Variants in TAFA1 observed in about 807,000 individuals in gnomAD.
TAFA1 encodes TAFA chemokine like family member 1, also known as chemokine-like protein TAFA-1.
In TAFA1, 4 loss-of-function variants were observed where a neutral mutation model predicts 18.5. That is an observed-to-expected ratio of 0.22 (90% confidence interval 0.11 to 0.49). The LOEUF is 0.49. Among genes scored for constraint, TAFA1 ranks in the 20% least tolerant of loss-of-function variants. The pLI is 0.98. For missense variants in TAFA1, 147 were observed against 169.0 expected (o/e 0.87, Z 0.72); for synonymous variants, 56 against 55.2 (o/e 1.01, Z -0.06).
chr3:68,118,387 T>A (rs1314102954), intron 2 of TAFA1, among the ~76,000 whole-genome samples: 1 of 152,152 alleles, frequency 6.6e-6, no homozygotes, highest in African/African-American at 2.4e-5. Flanking sequence ...GGAACAGCTA[T>A]AAATACAGAT....
At chr3:68,227,342 C>A (rs2066814736) in intron 2 of TAFA1, among the ~76,000 whole-genome samples, 1 of 152,034 alleles carries the variant, frequency 6.6e-6, no homozygotes, top group Non-Finnish European at 1.5e-5. Flanking sequence ...TCCTTTCCTG[C>A]TAAAAAGCAA....
At chr3:68,341,041 A>G (rs1214587280) in intron 2 of TAFA1, among the ~76,000 whole-genome samples, 1 of 152,200 alleles carries the variant, frequency 6.6e-6, no homozygotes, top group Non-Finnish European at 1.5e-5. Context: ...GTTTTCCAGA[A>G]TAAGAGAATA....
chr3:68,142,219 A>G (rs905742188), intron 2 of TAFA1, among the ~76,000 whole-genome samples: 3 of 152,228 alleles, frequency 2.0e-5, no homozygotes, highest in Admixed American at 1.3e-4. Flanking sequence ...AAGCTTCTCT[A>G]AATATCCAAA....
chr3:68,167,847 C>T (rs1472814613), intron 2 of TAFA1, among the ~76,000 whole-genome samples: 2 of 152,038 alleles, frequency 1.3e-5, no homozygotes, highest in Admixed American at 1.3e-4. Context: ...CACTGTACTC[C>T]AGCCTGTGCA....
intron 2 of TAFA1, among the ~76,000 whole-genome samples, chr3:68,171,538 A>G (rs564476753): frequency 1.3e-5 from 2 of 149,178 alleles, no homozygotes; most frequent in East Asian, 1.9e-4. Context: ...ATATATTTTA[A>G]AAGTCCACTA....
At chr3:68,426,133 A>T (rs183230360) in intron 3 of TAFA1, among the ~76,000 whole-genome samples, 1 of 152,116 alleles carries the variant, frequency 6.6e-6, no homozygotes, top group Admixed American at 6.6e-5. Flanking sequence ...AAAAGTATGC[A>T]TATATTCCAT....
At chr3:67,997,929 A>G in the TAFA1 span, among the ~76,000 whole-genome samples, 1 of 152,148 alleles carries the variant, frequency 6.6e-6, no homozygotes, top group South Asian at 2.1e-4. Context: ...AGATTGGTTA[A>G]GTGGATTAAG....
intron 3 of TAFA1, among the ~76,000 whole-genome samples, chr3:68,420,056 ATCTC>A (rs2070924805): frequency 6.6e-6 from 1 of 152,090 alleles, no homozygotes; most frequent in African/African-American, 2.4e-5. Flanking sequence ...ACTGATTCTA[ATCTC>A]TCTCAGCATG....
At chr3:68,333,270 G>A (rs1441530742) in intron 2 of TAFA1, among the ~76,000 whole-genome samples, 1 of 152,180 alleles carries the variant, frequency 6.6e-6, no homozygotes, top group Non-Finnish European at 1.5e-5. Context: ...CAGTAAACTT[G>A]ATAAAGAAAA....
the TAFA1 span, among the ~76,000 whole-genome samples, chr3:67,995,478 C>T: frequency 0.96 from 146,199 of 152,204 alleles, 70,240 homozygotes; most frequent in South Asian, 0.98. Context: ...GCATGCGAGG[C>T]GTGTTCTCAT....
At chr3:68,348,497 T>C (rs2069205438) in intron 2 of TAFA1, among the ~76,000 whole-genome samples, 1 of 152,198 alleles carries the variant, frequency 6.6e-6, no homozygotes, top group African/African-American at 2.4e-5. Context: ...ATTTCGGTGA[T>C]AGAAAACCAT....
chr3:68,399,075 A>G (rs1444046411), intron 2 of TAFA1, among the ~76,000 whole-genome samples: 1 of 152,170 alleles, frequency 6.6e-6, no homozygotes, highest in Non-Finnish European at 1.5e-5. Context: ...ACATAACTTT[A>G]GAGTTGAACT....
intron 2 of TAFA1, among the ~76,000 whole-genome samples, chr3:68,216,822 C>A (rs545032959): frequency 3.4e-4 from 51 of 152,162 alleles, no homozygotes; most frequent in African/African-American, 1.2e-3. Flanking sequence ...CAAGAGCCAG[C>A]ACTGGAGCAA....
intron 2 of TAFA1, among the ~76,000 whole-genome samples, chr3:68,223,170 T>C (rs1369226000): frequency 6.6e-6 from 1 of 152,176 alleles, no homozygotes; most frequent in Non-Finnish European, 1.5e-5. Flanking sequence ...ATCAGTGTGA[T>C]TTCCTTGAGG....
rs191952402 is a variant in TAFA1, at chr3:68,135,691, G to A, written c.118+128947G>A. On this transcript the variant is annotated intron_variant, in intron 2 of 4. Coordinates refer to ENST00000478136, the MANE Select transcript of TAFA1 (RefSeq NM_213609.4). ...ATTTTTTGTATGCTCAAAGTTGGAA[G>A]TTGATCCTTTAAGGATTAAACCATT... 9.5e-3 allele frequency among the ~76,000 whole-genome samples: 1,449 copies of A among 152,336 alleles called. 25 individuals carry two copies. Among genetic ancestry groups the A allele is most frequent in the African/African-American group, 0.034 (1,398 of 41,580 alleles).
intron 2 of TAFA1, among the ~76,000 whole-genome samples, chr3:68,294,665 A>C (rs1415991216): frequency 6.6e-6 from 1 of 152,090 alleles, no homozygotes; most frequent in Non-Finnish European, 1.5e-5. Context: ...TGGGCAAATG[A>C]CTTGAGCCCA....
chr3:68,256,638 G>C (rs968693085), intron 2 of TAFA1, among the ~76,000 whole-genome samples: 1 of 152,060 alleles, frequency 6.6e-6, no homozygotes, highest in African/African-American at 2.4e-5. Flanking sequence ...TAATGTACAT[G>C]GCCTTGGCAT....
chr3:68,262,349 A>ATT (rs1435596729), intron 2 of TAFA1, among the ~76,000 whole-genome samples: 949 of 78,708 alleles, frequency 0.012, 56 homozygotes, highest in Non-Finnish European at 0.015. Flanking sequence ...ATATATATAT[A>ATT]TATATATATT....
intron 2 of TAFA1, among the ~76,000 whole-genome samples, chr3:68,094,148 T>A (rs1452815914): frequency 6.6e-6 from 1 of 152,032 alleles, no homozygotes; most frequent in Non-Finnish European, 1.5e-5. Flanking sequence ...TGATTTAAGA[T>A]GAATGAAAAA....
Sources: gnomAD v4.1 joint callset for allele counts (sites outside exome capture counted in the v4.1 genomes callset) on GRCh38, gnomAD v4.1.1 for gene constraint, MANE v1.5 for transcripts, NCBI Gene and HGNC (gene_info 2026-07-23, HGNC 2026-07-21) for gene names.